Variants in RGS9 observed in about 807,000 individuals in gnomAD.
RGS9 encodes the protein regulator of G protein signaling 9.
RGS9 carries 78 observed loss-of-function variants against 102.0 expected under a neutral mutation model. The observed-to-expected ratio is 0.76, with a 90% CI of 0.64 to 0.92. The LOEUF (loss-of-function observed/expected upper bound fraction) is 0.92. Among genes scored for constraint, RGS9 ranks in the 40% least tolerant of loss-of-function variants. The pLI is 0.00. For synonymous variants in RGS9, 353 were observed against 318.6 expected (o/e 1.11, Z -1.15); for missense variants, 833 against 866.1 (o/e 0.96, Z 0.48).
chr17:65,183,107 T>TCTATCTATCTATCTATCCATCTAC (rs1244331226), intron 9 of RGS9, among the ~76,000 whole-genome samples: 3 of 120,240 alleles, frequency 2.5e-5, no homozygotes, highest in African/African-American at 7.9e-5. Flanking sequence ...TATCTATCTA[T>TCTATCTATCTATCTATCCATCTAC]CTACCTACCT....
Position 65,160,333 on chromosome 17 carries a change from A to G in RGS9, c.306A>G (p.Arg102=), listed in dbSNP as rs751378624. The G allele has an allele frequency of 1.9e-6, 3 of 1,613,004 alleles. No homozygotes were observed. The East Asian group carries it at 6.7e-5, about 36-fold the overall frequency. The part of the protein sequence containing the change: ...LILKPDGSLY[R]FQTPYFWPTQ... ...TCAAGCCTGATGGCAGCCTCTACAG[A>G]TTTCAGGTGAGTCTTGGCCTTGACC... Residue 102 remains arginine (R), a synonymous_variant, in exon 4 of 19, where the codon AGA becomes AGG. Coordinates refer to ENST00000262406, the MANE Select transcript of RGS9 (RefSeq NM_003835.4).
At chr17:65,155,888 C>A (rs1196859584) in intron 2 of RGS9, among the ~76,000 whole-genome samples, 1 of 152,124 alleles carries the variant, frequency 6.6e-6, no homozygotes, top group Non-Finnish European at 1.5e-5. Context: ...GATATGACTG[C>A]CCACTTTTTG....
At chr17:65,202,408 G>GGGGTGT (rs1555616145) in intron 14 of RGS9, among the ~76,000 whole-genome samples, 40 of 132,270 alleles carry the variant, frequency 3.0e-4, no homozygotes, top group African/African-American at 1.2e-3. Flanking sequence ...TGTCCTGAGG[G>GGGGTGT]GTGTGTGTGT....
chr17:65,174,397 G>T (rs191277402), intron 8 of RGS9, among the ~76,000 whole-genome samples: 1 of 152,170 alleles, frequency 6.6e-6, no homozygotes, highest in African/African-American at 2.4e-5. Flanking sequence ...GTCTGGGTGT[G>T]CATGTATGTG....
At chr17:65,217,330 C>G (rs1248431028) in intron 17 of RGS9, among the ~76,000 whole-genome samples, 1 of 152,208 alleles carries the variant, frequency 6.6e-6, no homozygotes, top group Non-Finnish European at 1.5e-5. Context: ...CCACACAGGA[C>G]TTTATGTGAA....
intron 18 of RGS9, 53 bp downstream of exon 18, chr17:65,225,539 G>A: frequency 1.3e-6 from 2 of 1,598,520 alleles, no homozygotes; most frequent in Non-Finnish European, 1.7e-6. Context: ...GGGTGTGCAG[G>A]CCTCTGCATG....
Position 65,153,663 on chromosome 17 carries a change from G to T in RGS9, c.154+145G>T. ...TCCCAGCACTTTGGGAGGCCGAGGC[G>T]GGTGGATCACAAGGTCAGGAGATCA... is the stretch of plus-strand genomic sequence containing the variant. On this transcript the variant is annotated intron_variant, in intron 2 of 18. Coordinates refer to ENST00000262406, the MANE Select transcript of RGS9 (RefSeq NM_003835.4). 4.4e-6 allele frequency: 3 copies of T among 683,264 alleles called. No homozygotes were observed. In the Admixed American group the frequency reaches 6.2e-5, roughly 14 times the overall value. 42.3% of individuals were successfully genotyped at this position (683,264 alleles called of 1,614,324 possible).
At chr17:65,161,304 T>G (rs1056308876) in intron 6 of RGS9, among the ~76,000 whole-genome samples, 4 of 152,252 alleles carry the variant, frequency 2.6e-5, no homozygotes, top group Non-Finnish European at 5.9e-5. Context: ...TGGGCTGAAG[T>G]ACAGTGGCAT....
At position 65,139,436 on chromosome 17, in the gene RGS9, C is replaced by T. The variant is rs563390766; in HGVS notation, c.57+1839C>T. 1.8e-3 allele frequency among the ~76,000 whole-genome samples: 277 copies of T among 152,180 alleles called. 1 individual carries two copies. The highest frequency in any genetic ancestry group is 3.1e-3 in the Non-Finnish European group (212 of 68,030). On this transcript the variant is annotated intron_variant, in intron 1 of 18. Transcript: ENST00000262406. ...AGCCTGGTTACCCAGGATTCCGCTC[C>T]CACCATCTTCCTGGCTTTGCCTCCT...
intron 17 of RGS9, among the ~76,000 whole-genome samples, chr17:65,215,813 G>A (rs557594135): frequency 3.3e-5 from 5 of 152,080 alleles, no homozygotes; most frequent in East Asian, 1.9e-4. Context: ...CGCTGGCCTC[G>A]GCCTCCCAAA....
Position 65,158,297 on chromosome 17 carries a change from A to C in RGS9, c.157A>C (p.Ser53Arg), listed in dbSNP as rs1443800819. Residue 53 changes from serine (S) to arginine (R), a missense_variant and splice_region_variant, in exon 3 of 19, where the codon AGT (serine) becomes CGT (arginine). Coordinates refer to ENST00000262406, the MANE Select transcript of RGS9 (RefSeq NM_003835.4). ...VTSVPHAMTG[S>R]DVLQWIVQRL... ...CGCAAATGTCTCTTGTTTTTCAGGA[A>C]GTGATGTTCTGCAATGGATCGTCCA... 6.2e-7 allele frequency: 1 copy of C among 1,614,120 alleles called. No homozygotes were observed. The highest frequency in any genetic ancestry group is 1.1e-5 in the South Asian group (1 of 91,080).
intron 9 of RGS9, among the ~76,000 whole-genome samples, chr17:65,187,363 T>A (rs995842643): frequency 6.6e-6 from 1 of 152,154 alleles, no homozygotes; most frequent in Non-Finnish European, 1.5e-5. Context: ...GAAGTCAGGG[T>A]GTATAAGAGC....
In RGS9 at chr17:65,153,524, G is replaced by A. The variant is rs775947842; in HGVS notation, c.154+6G>A. 1.2e-6 allele frequency: 2 copies of A among 1,610,050 alleles called. No homozygotes were observed. Among genetic ancestry groups the A allele is most frequent in the South Asian group, 1.1e-5 (1 of 91,038 alleles). On this transcript the variant is annotated splice_donor_region_variant and intron_variant, in intron 2 of 18. Coordinates refer to ENST00000262406, the MANE Select transcript of RGS9 (RefSeq NM_003835.4). The stretch of plus-strand genomic sequence containing the variant: ...CGTTCCTCATGCCATGACAGGTGAT[G>A]TAGCTTGCACTTTAGTCTTGGCCTG...
intron 12 of RGS9, among the ~76,000 whole-genome samples, chr17:65,195,562 A>G (rs990366897): frequency 6.6e-6 from 1 of 151,594 alleles, no homozygotes; most frequent in Non-Finnish European, 1.5e-5. Flanking sequence ...TATATCCCTC[A>G]CTCCCTTTTC....
At chr17:65,166,118 C>A (rs1274225818) in intron 7 of RGS9, among the ~76,000 whole-genome samples, 1 of 152,120 alleles carries the variant, frequency 6.6e-6, no homozygotes, top group Non-Finnish European at 1.5e-5. Flanking sequence ...TGTTAGATTG[C>A]TTAGAGGTGT....
At chr17:65,210,857 G>T (rs1913267358) in intron 17 of RGS9, among the ~76,000 whole-genome samples, 1 of 152,142 alleles carries the variant, frequency 6.6e-6, no homozygotes, top group African/African-American at 2.4e-5. Flanking sequence ...CTCATCAGGG[G>T]ACAGGGTGGG....
Position 65,149,334 on chromosome 17 carries a change from C to T in RGS9, c.58-4088C>T, listed in dbSNP as rs556740924. On this transcript the variant is annotated intron_variant, in intron 1 of 18. Transcript: ENST00000262406. ...AGTCCTAGTGAAATTTAGCAATTTA[C>T]CAAAAGCCTCTAGCTTCTAAATTGG... Among the ~76,000 whole-genome samples the T allele has an allele frequency of 6.6e-5, 10 of 152,258 alleles. 1 individual carries two copies. The South Asian group carries it at 2.1e-3, about 32-fold the overall frequency.
intron 11 of RGS9, among the ~76,000 whole-genome samples, chr17:65,190,545 G>A (rs1263214065): frequency 6.6e-6 from 1 of 152,186 alleles, no homozygotes; most frequent in Non-Finnish European, 1.5e-5. Context: ...TAGACCCTGT[G>A]AGGATCCAAG....
At chr17:65,188,315 C>T (rs1912213454) in intron 9 of RGS9, among the ~76,000 whole-genome samples, 1 of 152,210 alleles carries the variant, frequency 6.6e-6, no homozygotes, top group Non-Finnish European at 1.5e-5. Flanking sequence ...AGAGGGGACA[C>T]CCTGAAGCTT....
Sources: allele counts gnomAD v4.1 joint callset (sites outside exome capture counted in the v4.1 genomes callset), GRCh38; gene constraint gnomAD v4.1.1; transcripts MANE v1.5; gene names NCBI Gene and HGNC (gene_info 2026-07-23, HGNC 2026-07-21).